RAPGEF5: variants seen among roughly 807,000 people sequenced by gnomAD.
The protein encoded by RAPGEF5 is Rap guanine nucleotide exchange factor 5.
In RAPGEF5, 65 loss-of-function variants were observed where a neutral mutation model predicts 125.2. The observed-to-expected ratio is 0.52, with a 90% confidence interval of 0.43 to 0.64. The LOEUF is 0.64. Ranked by LOEUF, RAPGEF5 falls within the 30% of genes least tolerant of loss-of-function variation. The probability of loss-of-function intolerance (pLI) is 0.00; values close to 1 mark genes in which losing one functional copy is unlikely to be tolerated. For synonymous variants in RAPGEF5, 391 were observed against 385.9 expected, an observed-to-expected ratio of 1.01 and a Z score of -0.16; for missense variants, 958 against 1,048.1, an observed-to-expected ratio of 0.91 and a Z score of 1.19.
intron 7 of RAPGEF5, among the ~76,000 whole-genome samples, chr7:22,240,207 C>G (rs1472996541): frequency 1.6e-5 from 2 of 122,040 alleles, no homozygotes; most frequent in Non-Finnish European, 1.6e-5. Flanking sequence ...AAGACTCCAC[C>G]TCAAAAAAAA....
chr7:22,156,932 C>T (rs753918396), intron 15 of RAPGEF5, 44 bp from the exon 16 acceptor site: 2 of 1,610,560 alleles, frequency 1.2e-6, no homozygotes, highest in East Asian at 2.2e-5. Flanking sequence ...TACATTCCTG[C>T]CCTTTGGAAA....
At chr7:22,201,147 T>A (rs1405044045) in intron 9 of RAPGEF5, among the ~76,000 whole-genome samples, 1 of 152,128 alleles carries the variant, frequency 6.6e-6, no homozygotes, top group Non-Finnish European at 1.5e-5. Context: ...AAGTATTGGA[T>A]CCCTTTGGGA....
chr7:22,319,223 A>G (rs967856797), intron 1 of RAPGEF5, among the ~76,000 whole-genome samples: 3 of 152,110 alleles, frequency 2.0e-5, no homozygotes, highest in Admixed American at 6.6e-5. Flanking sequence ...TTCCATCTCT[A>G]TTCTAAGTCT....
At chr7:22,171,149 G>A (rs2128117220) in intron 11 of RAPGEF5, among the ~76,000 whole-genome samples, 1 of 152,134 alleles carries the variant, frequency 6.6e-6, no homozygotes, top group Admixed American at 6.5e-5. Flanking sequence ...CCAAAAAAGA[G>A]GCTGTCCCAT....
In RAPGEF5 at chr7:22,263,180, T is replaced by C. The variant is rs73069127; in HGVS notation, c.796+3784A>G. 3.8e-3 allele frequency among the ~76,000 whole-genome samples: 577 copies of C among 152,322 alleles called. 2 individuals are homozygous for C. Among genetic ancestry groups the C allele is most frequent in the South Asian group, 0.024 (114 of 4,828 alleles). On this transcript the variant is annotated intron_variant, in intron 7 of 25. Transcript: ENST00000665637. Reference sequence around the variant, plus strand: ...GAGAAAAGAGGTAGTGGAAAGTCAGTGTAGCTATAAAGGAGCAACATGAGG... The same window carrying C: ...GAGAAAAGAGGTAGTGGAAAGTCAGCGTAGCTATAAAGGAGCAACATGAGG...
intron 6 of RAPGEF5, among the ~76,000 whole-genome samples, chr7:22,283,815 C>T (rs955622776): frequency 6.6e-6 from 1 of 152,166 alleles, no homozygotes; most frequent in African/African-American, 2.4e-5. Flanking sequence ...TTTCCCTATT[C>T]CTAAGAGATT....
At chr7:22,203,409 A>C (rs938707590) in intron 9 of RAPGEF5, among the ~76,000 whole-genome samples, 2 of 152,220 alleles carry the variant, frequency 1.3e-5, no homozygotes, top group African/African-American at 4.8e-5. Flanking sequence ...ATGTCAAGAG[A>C]TAGCTAATGC....
At chr7:22,353,712 T>C (rs1784371090) in intron 1 of RAPGEF5, among the ~76,000 whole-genome samples, 1 of 152,214 alleles carries the variant, frequency 6.6e-6, no homozygotes, top group Non-Finnish European at 1.5e-5. Context: ...TCCCACAATG[T>C]ACAACTTAGT....
chr7:22,198,517 A>G (rs1038571369), intron 9 of RAPGEF5, among the ~76,000 whole-genome samples: 2 of 152,238 alleles, frequency 1.3e-5, no homozygotes, highest in African/African-American at 4.8e-5. Flanking sequence ...TTAAGATAAT[A>G]TAAGTATTTT....
chr7:22,353,245 G>A (rs1784362025), intron 1 of RAPGEF5, among the ~76,000 whole-genome samples: 1 of 152,216 alleles, frequency 6.6e-6, no homozygotes, highest in Non-Finnish European at 1.5e-5. Flanking sequence ...GGGAGGGGAA[G>A]CTGTTATAAA....
At chr7:22,323,074 G>A (rs1354273482) in intron 1 of RAPGEF5, among the ~76,000 whole-genome samples, 4 of 152,158 alleles carry the variant, frequency 2.6e-5, no homozygotes, top group Admixed American at 2.6e-4. Context: ...CACTGTTTCA[G>A]CAAATCCTGT....
chr7:22,317,495 C>G (rs1783627258), intron 2 of RAPGEF5, among the ~76,000 whole-genome samples: 1 of 152,068 alleles, frequency 6.6e-6, no homozygotes, highest in African/African-American at 2.4e-5. Flanking sequence ...CCACCTCAGC[C>G]TCCCAAAGTG....
intron 8 of RAPGEF5, chr7:22,220,198 C>A (rs370225733): frequency 5.3e-6 from 3 of 565,100 alleles, no homozygotes; most frequent in East Asian, 6.0e-5. Flanking sequence ...GTTGAGTCTG[C>A]GTATCACCCT....
intron 3 of RAPGEF5, among the ~76,000 whole-genome samples, chr7:22,311,387 G>A (rs538887975): frequency 7.9e-5 from 12 of 152,176 alleles, no homozygotes; most frequent in Middle Eastern, 3.4e-3. Flanking sequence ...AAGAGATGCC[G>A]ACATTTATTT....
At chr7:22,138,157 TCCCTCACAAATGTC>T (rs949222922) in intron 21 of RAPGEF5, among the ~76,000 whole-genome samples, 27 of 152,228 alleles carry the variant, frequency 1.8e-4, no homozygotes, top group African/African-American at 5.1e-4. Context: ...CTGTGGGACA[TCCCTCACAAATGTC>T]CCAGTGGCAC....
intron 9 of RAPGEF5, among the ~76,000 whole-genome samples, chr7:22,202,067 T>G (rs1405257820): frequency 6.6e-6 from 1 of 152,150 alleles, no homozygotes; most frequent in African/African-American, 2.4e-5. Context: ...AGAGGTTCAG[T>G]CTCAGAGGAA....
chr7:22,202,472 T>C (rs1562759229), intron 9 of RAPGEF5, among the ~76,000 whole-genome samples: 1 of 152,168 alleles, frequency 6.6e-6, no homozygotes, highest in East Asian at 1.9e-4. Flanking sequence ...GAAATAAGGG[T>C]ATTATGCATC....
chr7:22,169,885 G>A (rs1453900699), intron 11 of RAPGEF5, among the ~76,000 whole-genome samples: 16 of 11,876 alleles, frequency 1.3e-3, no homozygotes, highest in Non-Finnish European at 2.5e-3. Context: ...AAAAAAAGCT[G>A]AATCTTCCCA....
chr7:22,312,369 C>T (rs964404178), intron 3 of RAPGEF5, among the ~76,000 whole-genome samples: 3 of 152,106 alleles, frequency 2.0e-5, no homozygotes, highest in African/African-American at 7.2e-5. Context: ...CCACCACGCC[C>T]AGCTAATTCT....
Sources: allele counts gnomAD v4.1 joint callset (sites outside exome capture counted in the v4.1 genomes callset), GRCh38; gene constraint gnomAD v4.1.1; transcripts MANE v1.5; gene names NCBI Gene and HGNC (gene_info 2026-07-23, HGNC 2026-07-21).